SLC35D4: variants seen among roughly 807,000 people sequenced by gnomAD.
SLC35D4 encodes the protein solute carrier family 35 member D4, also known as UDP-N-acetylglucosamine transporter SLC35D4.
chr18:23,319,484 C>T, the SLC35D4 span, among the ~76,000 whole-genome samples: 26 of 152,218 alleles, frequency 1.7e-4, no homozygotes, highest in African/African-American at 5.8e-4. Flanking sequence ...GCTCTCGTTG[C>T]CCAGGCTGGA....
the SLC35D4 span, among the ~76,000 whole-genome samples, chr18:23,391,942 CT>C: frequency 2.5e-3 from 356 of 144,098 alleles, no homozygotes; most frequent in Admixed American, 5.0e-3. Context: ...CTTTCTTCTT[CT>C]TTTTTTTTTT....
At chr18:23,370,138 C>A in the SLC35D4 span, 1 of 1,292,432 alleles carries the variant, frequency 7.7e-7, no homozygotes, top group Admixed American at 2.3e-5. Context: ...GAGACCGCGC[C>A]ATTGCACTCC....
chr18:23,359,509 C>A, the SLC35D4 span, among the ~76,000 whole-genome samples: 2 of 152,094 alleles, frequency 1.3e-5, no homozygotes, highest in African/African-American at 2.4e-5. Flanking sequence ...TCTGAGTGAG[C>A]GAGTGAATCC....
the SLC35D4 span, among the ~76,000 whole-genome samples, chr18:23,285,519 G>A: frequency 6.6e-6 from 1 of 152,016 alleles, no homozygotes; most frequent in South Asian, 2.1e-4. Flanking sequence ...CGTAAAATGG[G>A]CAAATGGTCT....
the SLC35D4 span, among the ~76,000 whole-genome samples, chr18:23,299,878 CT>C: frequency 6.6e-6 from 1 of 152,224 alleles, no homozygotes; most frequent in African/African-American, 2.4e-5. Flanking sequence ...GTACTTTCCT[CT>C]TTCCTACAGA....
At chr18:23,437,466 C>T in the SLC35D4 span, among the ~76,000 whole-genome samples, 28 of 152,030 alleles carry the variant, frequency 1.8e-4, no homozygotes, top group Admixed American at 1.2e-3. Flanking sequence ...CCCGGGGGAG[C>T]AGGAGCCAAT....
the SLC35D4 span, among the ~76,000 whole-genome samples, chr18:23,349,909 T>C: frequency 6.6e-6 from 1 of 152,250 alleles, no homozygotes. Context: ...TTCAATTCTT[T>C]AAACATGGTT....
the SLC35D4 span, among the ~76,000 whole-genome samples, chr18:23,313,310 T>G: frequency 1.3e-5 from 2 of 151,332 alleles, no homozygotes; most frequent in Non-Finnish European, 2.9e-5. Context: ...TGTAGGAACA[T>G]GTAGTGTCAG....
chr18:23,343,332 C>A, the SLC35D4 span, among the ~76,000 whole-genome samples: 2 of 151,942 alleles, frequency 1.3e-5, no homozygotes, highest in Admixed American at 1.3e-4. Context: ...GATCTTGGCT[C>A]CTGGGTTCAA....
chr18:23,372,521 T>C, the SLC35D4 span, among the ~76,000 whole-genome samples: 1 of 152,182 alleles, frequency 6.6e-6, no homozygotes, highest in East Asian at 1.9e-4. Context: ...CTGGTGACCT[T>C]TTGGGCCTCC....
the SLC35D4 span, among the ~76,000 whole-genome samples, chr18:23,322,429 CTT>C: frequency 6.6e-6 from 1 of 152,336 alleles, no homozygotes; most frequent in South Asian, 2.1e-4. Flanking sequence ...ACTCTGAACT[CTT>C]TAACAAAGGC....
the SLC35D4 span, among the ~76,000 whole-genome samples, chr18:23,375,150 A>AC: frequency 6.7e-6 from 1 of 148,736 alleles, no homozygotes. Context: ...ATAAATAAAT[A>AC]ATAATAATAA....
At chr18:23,296,661 G>A in the SLC35D4 span, 2 of 152,082 alleles carry the variant, frequency 1.3e-5, no homozygotes, top group African/African-American at 4.8e-5. Context: ...ATACTTCAGT[G>A]TTCAATGATT....
the SLC35D4 span, among the ~76,000 whole-genome samples, chr18:23,402,037 G>A: frequency 3.9e-5 from 6 of 152,146 alleles, no homozygotes; most frequent in Non-Finnish European, 7.3e-5. Context: ...TGTGTTCTCC[G>A]AAGTCATCTC....
the SLC35D4 span, among the ~76,000 whole-genome samples, chr18:23,393,774 T>G: frequency 1.3e-5 from 2 of 152,146 alleles, no homozygotes; most frequent in Non-Finnish European, 2.9e-5. Context: ...CTCACCATCA[T>G]GCCCAGATAA....
At chr18:23,356,566 G>A in the SLC35D4 span, 1 of 1,611,254 alleles carries the variant, frequency 6.2e-7, no homozygotes, top group South Asian at 1.1e-5. The surrounding 1 kb of genome is among the most constrained non-coding windows in gnomAD (Gnocchi z 4.1). Context: ...AGCACAGAAA[G>A]CATACAAATG....
the SLC35D4 span, chr18:23,331,417 A>G: frequency 6.6e-6 from 1 of 152,138 alleles, no homozygotes; most frequent in Non-Finnish European, 1.5e-5. Context: ...GTAGTACAGG[A>G]GACACCACAA....
the SLC35D4 span, among the ~76,000 whole-genome samples, chr18:23,313,410 C>G: frequency 2.0e-5 from 3 of 151,848 alleles, no homozygotes; most frequent in Admixed American, 6.6e-5. Context: ...AAAAAGGAGC[C>G]CCCTGTGACT....
chr18:23,360,851 T>C, the SLC35D4 span, among the ~76,000 whole-genome samples: 1 of 152,028 alleles, frequency 6.6e-6, no homozygotes, highest in African/African-American at 2.4e-5. Context: ...CCTGTAATCC[T>C]AGCACTTTGG....
Sources: allele counts gnomAD v4.1 joint callset (sites outside exome capture counted in the v4.1 genomes callset), GRCh38; gene constraint gnomAD v4.1.1; non-coding constraint Gnocchi (gnomAD v3.1); transcripts MANE v1.5; gene names NCBI Gene and HGNC (gene_info 2026-07-23, HGNC 2026-07-21).